VAT1L: variants seen among roughly 807,000 people sequenced by gnomAD.
VAT1L encodes putative NADPH-dependent quinone oxidoreductase VAT1L.
In VAT1L, 34 loss-of-function variants were observed where a neutral mutation model predicts 44.1. The observed-to-expected ratio is 0.77, with a 90% CI of 0.59 to 1.03. VAT1L has a LOEUF of 1.03. Ranked by LOEUF, VAT1L falls within the 50% of genes least tolerant of loss-of-function variation. VAT1L has a pLI of 0.00. For missense variants in VAT1L, 615 were observed against 538.8 expected (o/e 1.14, Z -1.40); for synonymous variants, 253 against 202.2 (o/e 1.25, Z -2.13).
At chr16:77,792,076 A>G (rs1212174020) in intron 1 of VAT1L, among the ~76,000 whole-genome samples, 1 of 152,174 alleles carries the variant, frequency 6.6e-6, no homozygotes, top group East Asian at 1.9e-4. Context: ...CCCATACATT[A>G]TCTGCAAAGT....
At chr16:77,927,367 C>T (rs2017681785) in intron 7 of VAT1L, among the ~76,000 whole-genome samples, 1 of 150,342 alleles carries the variant, frequency 6.7e-6, no homozygotes, top group African/African-American at 2.4e-5. Context: ...GTTGGGAGGG[C>T]TTTGCATATA....
intron 3 of VAT1L, among the ~76,000 whole-genome samples, chr16:77,838,531 C>T (rs180964405): frequency 6.6e-5 from 10 of 152,156 alleles, no homozygotes; most frequent in South Asian, 2.1e-4. Flanking sequence ...CATGCCTGGG[C>T]GTCCGACTCC....
At position 77,858,845 on chromosome 16, in the gene VAT1L, T is replaced by A. The variant is rs572014862; in HGVS notation, c.580-3903T>A. ...GAGACCCCATCTTTACAAAAAAAAA[T>A]TTTAAAAAGGCTGGGCTTGGTGGCT... is the stretch of plus-strand genomic sequence containing the variant. On this transcript the variant is annotated intron_variant, in intron 3 of 8. Coordinates refer to ENST00000302536, the MANE Select transcript of VAT1L (RefSeq NM_020927.3). Among the ~76,000 whole-genome samples, 12 of 151,706 alleles carry A rather than the reference T, an allele frequency of 7.9e-5. No homozygotes were observed. In the South Asian group the frequency reaches 1.9e-3, roughly 24 times the overall value.
intron 7 of VAT1L, among the ~76,000 whole-genome samples, chr16:77,913,460 C>A (rs1257385775): frequency 6.6e-6 from 1 of 151,798 alleles, no homozygotes; most frequent in Non-Finnish European, 1.5e-5. Flanking sequence ...CCCCCCTCCC[C>A]CAACAAAGTT....
intron 7 of VAT1L, among the ~76,000 whole-genome samples, chr16:77,955,053 T>C (rs1048884021): frequency 6.6e-6 from 1 of 152,202 alleles, no homozygotes; most frequent in Non-Finnish European, 1.5e-5. Flanking sequence ...CATGAGCGCC[T>C]ATTGAGCTGT....
chr16:77,977,668 C>G lies in VAT1L; in HGVS notation c.1233C>G (p.Asn411Lys), dbSNP rs776392412. The change falls in exon 9 of 9, where the codon AAC becomes AAG. Residue 411 changes from asparagine (N) to lysine (K), a missense_variant. Physicochemically the swap from Asn to Lys is moderately conservative, Grantham distance 94. Coordinates refer to ENST00000302536, the MANE Select transcript of VAT1L (RefSeq NM_020927.3). ...EEEDHEGDSE[N>K]KERMPFIQ ...AGGACCACGAGGGAGACAGCGAGAA[C>G]AAGGAGCGGATGCCCTTTATCCAGT... The G allele has an allele frequency of 5.0e-6, 8 of 1,613,908 alleles. No homozygotes were observed. The highest frequency in any genetic ancestry group is 5.9e-6 in the Non-Finnish European group (7 of 1,179,948).
At chr16:77,934,950 A>C (rs1036813587) in intron 7 of VAT1L, among the ~76,000 whole-genome samples, 2 of 152,110 alleles carry the variant, frequency 1.3e-5, no homozygotes, top group African/African-American at 4.8e-5. Flanking sequence ...CCTGCCTGTC[A>C]TTTTACCTTG....
At chr16:77,975,225 T>C (rs1325467391) in intron 8 of VAT1L, among the ~76,000 whole-genome samples, 1 of 78,648 alleles carries the variant, frequency 1.3e-5, no homozygotes, top group Non-Finnish European at 2.5e-5. Context: ...TTTTTTTTTT[T>C]TTTAAAGACA....
chr16:77,859,401 G>T (rs4888692), intron 3 of VAT1L, among the ~76,000 whole-genome samples: 1 of 152,034 alleles, frequency 6.6e-6, no homozygotes, highest in East Asian at 1.9e-4. Flanking sequence ...GCTGAAGTTC[G>T]GTGTGTGTTA....
chr16:77,886,613 A>G (rs969115654), intron 7 of VAT1L, among the ~76,000 whole-genome samples: 3 of 152,226 alleles, frequency 2.0e-5, no homozygotes, highest in African/African-American at 7.2e-5. Flanking sequence ...CAAATGCTGG[A>G]GCTACAATGA....
At chr16:77,866,780 C>G (rs2016978869) in intron 4 of VAT1L, among the ~76,000 whole-genome samples, 1 of 152,148 alleles carries the variant, frequency 6.6e-6, no homozygotes, top group South Asian at 2.1e-4. Flanking sequence ...TACTTTCTCT[C>G]TCTTTAGGAG....
intron 7 of VAT1L, among the ~76,000 whole-genome samples, chr16:77,914,641 T>C (rs943301891): frequency 6.6e-5 from 10 of 152,224 alleles, no homozygotes; most frequent in Non-Finnish European, 1.0e-4. Context: ...AGTGTTACCA[T>C]AGATCAGTTA....
At chr16:77,905,403 A>G (rs1051874621) in intron 7 of VAT1L, among the ~76,000 whole-genome samples, 1 of 152,086 alleles carries the variant, frequency 6.6e-6, no homozygotes, top group Non-Finnish European at 1.5e-5. Context: ...TACTTTTTAC[A>G]CTTAAAAATT....
intron 7 of VAT1L, among the ~76,000 whole-genome samples, chr16:77,889,802 G>C (rs1412868541): frequency 6.6e-6 from 1 of 152,174 alleles, no homozygotes. Context: ...AAGAGTGAAT[G>C]TTAGCCAGGC....
At chr16:77,844,562 C>G (rs981675220) in intron 3 of VAT1L, among the ~76,000 whole-genome samples, 1 of 152,148 alleles carries the variant, frequency 6.6e-6, no homozygotes, top group African/African-American at 2.4e-5. Flanking sequence ...GTGCCCACCA[C>G]CACGCCTGGC....
At chr16:77,972,562 T>C (rs1003217939) in intron 8 of VAT1L, among the ~76,000 whole-genome samples, 1 of 151,818 alleles carries the variant, frequency 6.6e-6, no homozygotes, top group Non-Finnish European at 1.5e-5. Flanking sequence ...GGGTGGATCA[T>C]CTGAGGTCAG....
At chr16:77,919,569 C>T (rs1257856113) in intron 7 of VAT1L, among the ~76,000 whole-genome samples, 1 of 152,122 alleles carries the variant, frequency 6.6e-6, no homozygotes, top group African/African-American at 2.4e-5. Flanking sequence ...CTTCTCAGAT[C>T]CCATTTTTTC....
chr16:77,825,202 G>C, intron 2 of VAT1L, 44 bp from the exon 3 acceptor site: 3 of 1,607,058 alleles, frequency 1.9e-6, no homozygotes, highest in South Asian at 2.2e-5. Context: ...TTGAGCCTCT[G>C]TCATGAGGTA....
At chr16:77,868,162 T>G (rs887369633) in intron 4 of VAT1L, among the ~76,000 whole-genome samples, 1 of 152,200 alleles carries the variant, frequency 6.6e-6, no homozygotes, top group African/African-American at 2.4e-5. Flanking sequence ...TACAATAAAG[T>G]GTTGAAAACC....
Sources: gnomAD v4.1 joint callset for allele counts (sites outside exome capture counted in the v4.1 genomes callset) on GRCh38, gnomAD v4.1.1 for gene constraint, MANE v1.5 for transcripts, NCBI Gene and HGNC (gene_info 2026-07-23, HGNC 2026-07-21) for gene names.